Variants in ADA2 observed in about 807,000 individuals in gnomAD.
ADA2 encodes adenosine deaminase 2.
Under a neutral mutation model 44.2 loss-of-function variants are expected in ADA2, and 29 were observed. That is an observed-to-expected ratio of 0.66 (90% confidence interval 0.49 to 0.89). The LOEUF is 0.89. Among genes scored for constraint, ADA2 ranks in the 40% least tolerant of loss-of-function variants. ADA2 has a pLI of 0.00. For missense variants in ADA2, 637 were observed against 644.8 expected (o/e 0.99, Z 0.13); for synonymous variants, 215 against 234.9 (o/e 0.92, Z 0.77).
At chr22:17,189,357 G>A (rs1013607301) in intron 6 of ADA2, among the ~76,000 whole-genome samples, 1 of 152,132 alleles carries the variant, frequency 6.6e-6, no homozygotes, top group Non-Finnish European at 1.5e-5. Context: ...AAATGTCCTG[G>A]TTGTGCTTCG....
At chr22:17,194,211 A>C (rs1428842100) in intron 4 of ADA2, among the ~76,000 whole-genome samples, 3 of 151,974 alleles carry the variant, frequency 2.0e-5, no homozygotes, top group East Asian at 3.9e-4. Flanking sequence ...TGAGAGCTGC[A>C]GTGGGAGCCA....
intron 4 of ADA2, among the ~76,000 whole-genome samples, chr22:17,194,786 T>C (rs932946278): frequency 6.6e-6 from 1 of 151,860 alleles, no homozygotes; most frequent in Non-Finnish European, 1.5e-5. Context: ...ATTATTATTA[T>C]TTACTGAAGA....
chr22:17,188,274 G>T, intron 7 of ADA2, 65 bp downstream of exon 7: 4 of 1,181,176 alleles, frequency 3.4e-6, no homozygotes, highest in Admixed American at 1.7e-5. Context: ...TGAGGCATGG[G>T]CCTGTGGCCA....
At position 17,182,578 on chromosome 22, in the gene ADA2, G is replaced by A. The variant is rs759395875; in HGVS notation, c.1239+26C>T. On this transcript the variant is annotated intron_variant, in intron 8 of 9. Coordinates refer to ENST00000399837, the MANE Select transcript of ADA2 (RefSeq NM_001282225.2). ...GGTTGTGGTTAGGGGAGATCATATGGGATTAGCCACATGGGTCACACATAC... is the reference window on the plus strand; with the variant it reads ...GGTTGTGGTTAGGGGAGATCATATGAGATTAGCCACATGGGTCACACATAC... 3.7e-6 allele frequency: 6 copies of A among 1,612,512 alleles called. No individual in the cohort carries two copies. In the East Asian group the frequency reaches 1.1e-4, roughly 30 times the overall value.
rs972359086 is a variant in ADA2 at position 17,182,911 on chromosome 22, TAC to T, written c.1082-152_1082-151del. 243 of 676,386 alleles carry T rather than the reference TAC, an allele frequency of 3.6e-4. 1 individual carries two copies. Among genetic ancestry groups the T allele is most frequent in the Middle Eastern group, 4.2e-4 (1 of 2,378 alleles). 41.9% of individuals were successfully genotyped at this position (676,386 alleles called of 1,614,324 possible). A position where few individuals can be genotyped will look rare whatever the true frequency, so the allele number is the denominator to read the frequency against. Reference sequence around the variant, plus strand: ...GAAGAGAAATTAACATTAACACAAATACACACACACAGTTTCCTTTTAACAAT... The same window carrying T: ...GAAGAGAAATTAACATTAACACAAATACACACACAGTTTCCTTTTAACAAT... On this transcript the variant is annotated intron_variant, in intron 7 of 9. Coordinates refer to ENST00000399837, the MANE Select transcript of ADA2 (RefSeq NM_001282225.2).
intron 7 of ADA2, 39 bp from the exon 8 acceptor site, chr22:17,182,800 G>A (rs1460336051): frequency 6.5e-7 from 1 of 1,542,110 alleles, no homozygotes; most frequent in Non-Finnish European, 8.9e-7. Flanking sequence ...GGGATGGATG[G>A]GTCTGGTCTT....
chr22:17,220,625 G>A (rs1369677557), upstream of ADA2, among the ~76,000 whole-genome samples: 1 of 151,910 alleles, frequency 6.6e-6, no homozygotes, highest in Admixed American at 6.6e-5. Context: ...CTACACCAGG[G>A]ACCTCCATGT....
chr22:17,205,474 C>G (rs112407257), intron 3 of ADA2, among the ~76,000 whole-genome samples: 1,732 of 152,214 alleles, frequency 0.011, 34 homozygotes, highest in African/African-American at 0.039. Context: ...TATGGCAGCT[C>G]GAGCAGGTTA....
At chr22:17,215,321 C>T (rs988955081) in intron 1 of ADA2, among the ~76,000 whole-genome samples, 1 of 152,186 alleles carries the variant, frequency 6.6e-6, no homozygotes, top group African/African-American at 2.4e-5. Context: ...AAATCACGGG[C>T]TGGGCACGGT....
chr22:17,199,632 T>A, intron 4 of ADA2: 6 of 1,613,836 alleles, frequency 3.7e-6, no homozygotes, highest in Non-Finnish European at 5.1e-6. Context: ...GATCGCCATT[T>A]GAGGTGGGCG....
chr22:17,196,214 G>A (rs7289173), intron 4 of ADA2, among the ~76,000 whole-genome samples: 9,048 of 151,552 alleles, frequency 0.06, 318 homozygotes, highest in African/African-American at 0.1. Context: ...CCAGCTACTC[G>A]GGAGGCTGAT....
chr22:17,182,333 C>T (rs533757481), intron 8 of ADA2, among the ~76,000 whole-genome samples: 1 of 152,298 alleles, frequency 6.6e-6, no homozygotes, highest in Non-Finnish European at 1.5e-5. Context: ...GTCCGTCCCA[C>T]TTCACTGGCC....
chr22:17,210,949 C>T (rs1477117087), intron 1 of ADA2, among the ~76,000 whole-genome samples: 1 of 152,164 alleles, frequency 6.6e-6, no homozygotes, highest in Admixed American at 6.5e-5. Context: ...GAGGCTGAAG[C>T]GGGAGCATCA....
intron 7 of ADA2, among the ~76,000 whole-genome samples, chr22:17,183,955 C>CTTTTTTTTTTTTT (rs33921509): frequency 1.3e-5 from 1 of 79,778 alleles, no homozygotes; most frequent in Non-Finnish European, 2.2e-5. Flanking sequence ...TCACACCTTT[C>CTTTTTTTTTTTTT]TTTTTTTTTT....
intron 3 of ADA2, 73 bp downstream of exon 3, chr22:17,206,998 T>C: frequency 8.7e-7 from 1 of 1,150,974 alleles, no homozygotes; most frequent in Non-Finnish European, 1.3e-6. Context: ...TATAGGTTTG[T>C]ACCAAGGGAG....
At chr22:17,219,745 G>A (rs1286019437), upstream of ADA2, among the ~76,000 whole-genome samples, 5 of 132,662 alleles carry the variant, frequency 3.8e-5, no homozygotes, top group Non-Finnish European at 7.7e-5. Context: ...CGCAATCTCA[G>A]CTCACTGCAG....
intron 1 of ADA2, among the ~76,000 whole-genome samples, chr22:17,213,251 T>C (rs973568090): frequency 2.0e-5 from 3 of 152,150 alleles, no homozygotes; most frequent in African/African-American, 7.2e-5. Flanking sequence ...GAGTGTAAAC[T>C]AGTACAGCCA....
chr22:17,189,736 T>C, intron 6 of ADA2: 1 of 530,868 alleles, frequency 1.9e-6, no homozygotes, highest in Non-Finnish European at 3.4e-6. Flanking sequence ...CCTTCTCCAG[T>C]GACAGCCGTC....
At chr22:17,205,453 T>C (rs1474040489) in intron 3 of ADA2, among the ~76,000 whole-genome samples, 1 of 152,084 alleles carries the variant, frequency 6.6e-6, no homozygotes, top group Admixed American at 6.6e-5. Context: ...CCCCAGCCTG[T>C]GGTATTCTGT....
Sources: allele counts gnomAD v4.1 joint callset (sites outside exome capture counted in the v4.1 genomes callset), GRCh38; gene constraint gnomAD v4.1.1; transcripts MANE v1.5; gene names NCBI Gene and HGNC (gene_info 2026-07-23, HGNC 2026-07-21).